The following SPOCK3 variants were observed in gnomAD, a reference collection of about 807,000 sequenced individuals.
SPOCK3 encodes the protein SPARC (osteonectin), cwcv and kazal like domains proteoglycan 3.
SPOCK3 carries 30 observed loss-of-function variants against 56.6 expected under a neutral mutation model. That is an observed-to-expected ratio of 0.53 (90% CI 0.40 to 0.72). SPOCK3 has a LOEUF of 0.72. Among genes scored for constraint, SPOCK3 ranks in the 30% least tolerant of loss-of-function variants. The pLI, the probability that SPOCK3 is intolerant of heterozygous loss-of-function variation, is 0.00. For synonymous variants in SPOCK3, 196 were observed against 183.3 expected (o/e 1.07, Z -0.56); for missense variants, 527 against 530.0 (o/e 0.99, Z 0.06).
In SPOCK3 at chr4:167,222,562, T is replaced by C. The variant is rs1401247525; in HGVS notation, c.189+11423A>G. Among the ~76,000 whole-genome samples the C allele has an allele frequency of 6.5e-5, 9 of 137,616 alleles. No homozygotes were observed. In the East Asian group the frequency reaches 1.6e-3, roughly 24 times the overall value. The allele number at this position is 137,616 out of a possible 152,430, so 90.3% of individuals were successfully genotyped here. A position where few individuals can be genotyped will look rare whatever the true frequency, so the allele number is the denominator to read the frequency against. On this transcript the variant is annotated intron_variant, in intron 2 of 10. Transcript: ENST00000357545. ...TTCATATATGAATATATAATATATATACATGTTATAGATTCATATATGAAT... is the reference window on the plus strand; with the variant it reads ...TTCATATATGAATATATAATATATACACATGTTATAGATTCATATATGAAT...
At chr4:167,094,813 T>C (rs1417577506) in intron 2 of SPOCK3, among the ~76,000 whole-genome samples, 1 of 152,086 alleles carries the variant, frequency 6.6e-6, no homozygotes, top group African/African-American at 2.4e-5. Context: ...TAATGTATTA[T>C]TCGGGGTTCT....
chr4:167,170,497 T>G (rs1340091884), intron 2 of SPOCK3, among the ~76,000 whole-genome samples: 4 of 150,372 alleles, frequency 2.7e-5, no homozygotes, highest in Non-Finnish European at 6.0e-5. Context: ...GGAAAGGCAC[T>G]AATCTAGATA....
intron 2 of SPOCK3, among the ~76,000 whole-genome samples, chr4:167,109,866 C>A (rs1264792839): frequency 2.0e-5 from 3 of 151,726 alleles, no homozygotes; most frequent in Non-Finnish European, 4.4e-5. Context: ...AAAATCATAT[C>A]TTTCTACTGC....
At chr4:166,830,737 C>T (rs1312931020) in intron 6 of SPOCK3, among the ~76,000 whole-genome samples, 2 of 150,830 alleles carry the variant, frequency 1.3e-5, no homozygotes, top group South Asian at 2.1e-4. Context: ...TGTCTCCCTC[C>T]CCGCCCCGCT....
chr4:167,229,933 G>A (rs942768161), intron 2 of SPOCK3, among the ~76,000 whole-genome samples: 13 of 151,954 alleles, frequency 8.6e-5, no homozygotes, highest in African/African-American at 1.5e-4. Context: ...AGTTCAGAAT[G>A]AGCCCCAGGT....
At chr4:166,914,995 C>A (rs1389989194) in intron 4 of SPOCK3, among the ~76,000 whole-genome samples, 1 of 151,772 alleles carries the variant, frequency 6.6e-6, no homozygotes, top group Non-Finnish European at 1.5e-5. Context: ...AAAAATGGTA[C>A]TTTTTATTTA....
intron 3 of SPOCK3, among the ~76,000 whole-genome samples, chr4:167,019,606 C>T (rs114713459): frequency 0.013 from 1,941 of 151,612 alleles, 21 homozygotes; most frequent in Non-Finnish European, 0.019. Context: ...TTTTTTATCC[C>T]GAATTCTTAA....
intron 2 of SPOCK3, among the ~76,000 whole-genome samples, chr4:167,202,642 CAATCTCAACTGTG>C (rs1733629261): frequency 6.7e-6 from 1 of 150,128 alleles, no homozygotes; most frequent in African/African-American, 2.5e-5. Context: ...ACCATGTTGC[CAATCTCAACTGTG>C]AAGGGTAGAG....
intron 4 of SPOCK3, among the ~76,000 whole-genome samples, chr4:166,981,207 T>C (rs1746529593): frequency 6.7e-6 from 1 of 150,268 alleles, no homozygotes; most frequent in Admixed American, 6.6e-5. Flanking sequence ...AGTGTCCAGG[T>C]CTCGTTAGAG....
chr4:167,173,595 T>C (rs1015874361), intron 2 of SPOCK3, among the ~76,000 whole-genome samples: 1 of 152,124 alleles, frequency 6.6e-6, no homozygotes, highest in African/African-American at 2.4e-5. Context: ...ACAAAGAATA[T>C]TCCAACTCCT....
intron 4 of SPOCK3, among the ~76,000 whole-genome samples, chr4:166,918,929 C>T (rs1202357882): frequency 6.6e-6 from 1 of 151,978 alleles, no homozygotes; most frequent in African/African-American, 2.4e-5. Context: ...AAGAGCCTGG[C>T]CTCTCTGTCT....
intron 4 of SPOCK3, among the ~76,000 whole-genome samples, chr4:166,991,180 T>C (rs959193966): frequency 2.0e-5 from 3 of 151,978 alleles, no homozygotes; most frequent in African/African-American, 7.2e-5. Flanking sequence ...CAATTTCCTT[T>C]AATTCACCAC....
chr4:166,851,812 A>T (rs982870410), intron 6 of SPOCK3, among the ~76,000 whole-genome samples: 1 of 152,164 alleles, frequency 6.6e-6, no homozygotes, highest in East Asian at 1.9e-4. Context: ...TACCCAAAAG[A>T]CTATAAATCA....
intron 2 of SPOCK3, among the ~76,000 whole-genome samples, chr4:167,199,891 C>A (rs1036816397): frequency 6.7e-6 from 1 of 148,274 alleles, no homozygotes; most frequent in Admixed American, 6.7e-5. Context: ...TAGAAAAATT[C>A]TACAAATAAA....
chr4:167,023,547 A>T (rs1436741407), intron 3 of SPOCK3, among the ~76,000 whole-genome samples: 2 of 151,936 alleles, frequency 1.3e-5, no homozygotes, highest in Non-Finnish European at 2.9e-5. Flanking sequence ...CCAGTGTAGG[A>T]AGCTACAGTT....
intron 3 of SPOCK3, among the ~76,000 whole-genome samples, chr4:167,055,000 A>T (rs1348680636): frequency 6.6e-6 from 1 of 152,172 alleles, no homozygotes; most frequent in Non-Finnish European, 1.5e-5. Context: ...TGATACCTTA[A>T]TTTCTGCATG....
At chr4:166,936,502 C>T (rs1221321205) in intron 4 of SPOCK3, among the ~76,000 whole-genome samples, 1 of 151,902 alleles carries the variant, frequency 6.6e-6, no homozygotes, top group East Asian at 1.9e-4. Flanking sequence ...TCTATTACAG[C>T]AAAGTGGTTG....
chr4:167,151,215 G>T (rs539325097), intron 2 of SPOCK3, among the ~76,000 whole-genome samples: 1 of 152,234 alleles, frequency 6.6e-6, no homozygotes, highest in African/African-American at 2.4e-5. Flanking sequence ...TGGGGTGATT[G>T]CAACGCGTAG....
At chr4:166,837,671 T>C (rs1269193546) in intron 6 of SPOCK3, among the ~76,000 whole-genome samples, 1 of 152,220 alleles carries the variant, frequency 6.6e-6, no homozygotes, top group African/African-American at 2.4e-5. Flanking sequence ...GTTAGACAGT[T>C]ATAATGTTTG....
Sources: allele counts gnomAD v4.1 joint callset (sites outside exome capture counted in the v4.1 genomes callset), GRCh38; gene constraint gnomAD v4.1.1; transcripts MANE v1.5; gene names NCBI Gene and HGNC (gene_info 2026-07-23, HGNC 2026-07-21).